Variants in AKAP19 observed in about 807,000 individuals in gnomAD.
AKAP19 encodes the protein small A-kinase anchoring protein.
chr2:189,919,645 G>T, the AKAP19 span, among the ~76,000 whole-genome samples: 1 of 152,232 alleles, frequency 6.6e-6, no homozygotes, highest in Non-Finnish European at 1.5e-5. Context: ...TGGGGTGTTT[G>T]GTTTTCTGTT....
At chr2:189,946,693 A>G in the AKAP19 span, among the ~76,000 whole-genome samples, 3 of 152,174 alleles carry the variant, frequency 2.0e-5, no homozygotes, top group African/African-American at 7.2e-5. Context: ...AAATAGGTAC[A>G]TGTGTCATAG....
At chr2:190,133,047 T>C in the AKAP19 span, among the ~76,000 whole-genome samples, 1 of 151,820 alleles carries the variant, frequency 6.6e-6, no homozygotes, top group Non-Finnish European at 1.5e-5. Context: ...CCATCCTGGC[T>C]AACACAGTGA....
chr2:190,008,674 G>C, the AKAP19 span, among the ~76,000 whole-genome samples: 2 of 151,708 alleles, frequency 1.3e-5, no homozygotes, highest in Non-Finnish European at 2.9e-5. Context: ...CACCTCCTTT[G>C]TGCTAGATAC....
chr2:190,073,921 C>G, the AKAP19 span, among the ~76,000 whole-genome samples: 5 of 151,830 alleles, frequency 3.3e-5, no homozygotes, highest in Admixed American at 2.0e-4. Flanking sequence ...TGTGGTGAGA[C>G]GTGCCTGTAG....
chr2:190,068,994 G>A, the AKAP19 span, among the ~76,000 whole-genome samples: 1 of 152,232 alleles, frequency 6.6e-6, no homozygotes, highest in Admixed American at 6.5e-5. Context: ...CCATACTAGG[G>A]AGTTGCCATG....
the AKAP19 span, among the ~76,000 whole-genome samples, chr2:189,947,104 AC>A: frequency 4.0e-5 from 6 of 151,560 alleles, no homozygotes; most frequent in African/African-American, 1.4e-4. Flanking sequence ...AAGTGAGCAA[AC>A]ACAAAAGTGC....
At chr2:189,991,599 C>T in the AKAP19 span, among the ~76,000 whole-genome samples, 6 of 152,010 alleles carry the variant, frequency 3.9e-5, no homozygotes, top group African/African-American at 1.5e-4. Context: ...GGTTATTAGT[C>T]CTTTGTTGGA....
At chr2:190,114,570 C>T in the AKAP19 span, among the ~76,000 whole-genome samples, 1 of 152,208 alleles carries the variant, frequency 6.6e-6, no homozygotes, top group Non-Finnish European at 1.5e-5. Flanking sequence ...ATTCTCCTGC[C>T]TCAGCCTTCC....
the AKAP19 span, among the ~76,000 whole-genome samples, chr2:190,040,504 AG>A: frequency 2.0e-5 from 3 of 152,188 alleles, no homozygotes; most frequent in Non-Finnish European, 2.9e-5. Flanking sequence ...TTTGCTGTGC[AG>A]AAGCTTTTAA....
the AKAP19 span, among the ~76,000 whole-genome samples, chr2:190,051,144 A>G: frequency 6.6e-6 from 1 of 152,198 alleles, no homozygotes; most frequent in South Asian, 2.1e-4. Context: ...GTATATACCC[A>G]TCTTAGTCAT....
At chr2:189,977,203 C>G in the AKAP19 span, among the ~76,000 whole-genome samples, 1 of 152,190 alleles carries the variant, frequency 6.6e-6, no homozygotes, top group Non-Finnish European at 1.5e-5. Flanking sequence ...GACTGAAAGG[C>G]TAGTACAAAT....
chr2:189,949,338 G>A, the AKAP19 span, among the ~76,000 whole-genome samples: 1 of 151,952 alleles, frequency 6.6e-6, no homozygotes, highest in African/African-American at 2.4e-5. Context: ...TGGATCACGA[G>A]GTCAGGAGTT....
At chr2:190,165,616 T>C in the AKAP19 span, among the ~76,000 whole-genome samples, 3 of 152,048 alleles carry the variant, frequency 2.0e-5, no homozygotes, top group Admixed American at 6.6e-5. Context: ...AGCACAAAGA[T>C]ATAGAGATGG....
the AKAP19 span, among the ~76,000 whole-genome samples, chr2:190,019,322 CATG>C: frequency 6.6e-6 from 1 of 152,032 alleles, no homozygotes; most frequent in African/African-American, 2.4e-5. Flanking sequence ...TTTACACTTC[CATG>C]GGGGCAGATC....
At chr2:189,915,440 A>G in the AKAP19 span, among the ~76,000 whole-genome samples, 1 of 152,106 alleles carries the variant, frequency 6.6e-6, no homozygotes, top group Non-Finnish European at 1.5e-5. Flanking sequence ...AGTTTGTTAT[A>G]TCATTTGTCA....
the AKAP19 span, among the ~76,000 whole-genome samples, chr2:190,023,607 T>C: frequency 9.2e-5 from 14 of 152,010 alleles, no homozygotes; most frequent in African/African-American, 3.1e-4. Flanking sequence ...TTTATTCCAG[T>C]GTTCTTTTTT....
chr2:190,018,855 A>C, the AKAP19 span, among the ~76,000 whole-genome samples: 4 of 152,348 alleles, frequency 2.6e-5, no homozygotes, highest in East Asian at 7.7e-4. Flanking sequence ...AACCCTGGGC[A>C]GGCAGAGCTT....
the AKAP19 span, among the ~76,000 whole-genome samples, chr2:190,140,998 G>A: frequency 6.6e-6 from 1 of 152,148 alleles, no homozygotes; most frequent in Non-Finnish European, 1.5e-5. Context: ...CTCTAGGGCA[G>A]GGGAAAAATG....
the AKAP19 span, among the ~76,000 whole-genome samples, chr2:190,122,986 T>A: frequency 7.9e-5 from 12 of 151,876 alleles, no homozygotes; most frequent in African/African-American, 1.5e-4. Context: ...ATTAAAAAAA[T>A]TTTTTTGTAG....
Sources: allele counts gnomAD v4.1 joint callset (sites outside exome capture counted in the v4.1 genomes callset), GRCh38; gene constraint gnomAD v4.1.1; transcripts MANE v1.5; gene names NCBI Gene and HGNC (gene_info 2026-07-23, HGNC 2026-07-21).